The following CYP20A1 variants were observed in gnomAD, a reference collection of about 807,000 sequenced individuals.
CYP20A1 encodes cytochrome P450 family 20 subfamily A member 1.
Under a neutral mutation model 61.4 loss-of-function variants are expected in CYP20A1, and 61 were observed. That is an observed-to-expected ratio of 0.99 (90% CI 0.81 to 1.23). The LOEUF (loss-of-function observed/expected upper bound fraction) is 1.23. Among genes scored for constraint, CYP20A1 ranks in the 50% most tolerant of loss-of-function variants. The pLI, the probability that CYP20A1 is intolerant of heterozygous loss-of-function variation, is 0.00. For synonymous variants in CYP20A1, 193 were observed against 188.2 expected (o/e 1.03, Z -0.21); for missense variants, 530 against 542.4 (o/e 0.98, Z 0.23).
At chr2:203,260,153 C>G (rs541455974) in intron 4 of CYP20A1, among the ~76,000 whole-genome samples, 1 of 151,988 alleles carries the variant, frequency 6.6e-6, no homozygotes, top group Non-Finnish European at 1.5e-5. Context: ...TCTTGAACTC[C>G]TGACCTCAGG....
chr2:203,272,612 T>C, intron 5 of CYP20A1, 58 bp from the exon 6 acceptor site: 1 of 1,087,778 alleles, frequency 9.2e-7, no homozygotes, highest in Non-Finnish European at 1.3e-6. Flanking sequence ...CATTGCTCTG[T>C]ATTATTTTTA....
At chr2:203,271,736 G>A (rs1213912686) in intron 5 of CYP20A1, among the ~76,000 whole-genome samples, 3 of 152,136 alleles carry the variant, frequency 2.0e-5, no homozygotes, top group Non-Finnish European at 4.4e-5. Context: ...ACTTATGCCA[G>A]TATAATACAA....
intron 8 of CYP20A1, among the ~76,000 whole-genome samples, chr2:203,283,799 G>A (rs758707437): frequency 2.6e-5 from 4 of 151,824 alleles, no homozygotes; most frequent in African/African-American, 4.8e-5. Context: ...TGCCCGCCTC[G>A]GCCTCCCAAA....
chr2:203,277,367 A>G (rs867395630), intron 6 of CYP20A1, among the ~76,000 whole-genome samples: 1 of 151,920 alleles, frequency 6.6e-6, no homozygotes, highest in African/African-American at 2.4e-5. Flanking sequence ...AAGAAAAAGA[A>G]AAAGTGTTTC....
intron 9 of CYP20A1, among the ~76,000 whole-genome samples, chr2:203,287,555 A>G (rs2068332725): frequency 6.6e-6 from 1 of 152,024 alleles, no homozygotes; most frequent in Non-Finnish European, 1.5e-5. Flanking sequence ...AATATTTAAA[A>G]ATTAGCCAGA....
chr2:203,258,406 AAAC>A (rs2067004310), intron 4 of CYP20A1, among the ~76,000 whole-genome samples: 2 of 152,028 alleles, frequency 1.3e-5, no homozygotes, highest in African/African-American at 4.8e-5. Flanking sequence ...AAAAAAAAAA[AAAC>A]GGTTAGTAAA....
intron 1 of CYP20A1, among the ~76,000 whole-genome samples, chr2:203,242,557 G>A (rs2066290523): frequency 6.6e-6 from 1 of 152,114 alleles, no homozygotes; most frequent in Non-Finnish European, 1.5e-5. Flanking sequence ...GGAGGCTGAG[G>A]TGGGAGGATT....
At position 203,254,137 on chromosome 2, in the gene CYP20A1, G is replaced by A. The variant is rs375641438; in HGVS notation, c.432+2028G>A. On this transcript the variant is annotated intron_variant, in intron 4 of 12. Coordinates refer to ENST00000356079, the MANE Select transcript of CYP20A1 (RefSeq NM_177538.3). ...CATTTTTTGTATTTTTAGTAGAGATGGGGTTTCACCATCTTGGCCAGGCTG... is the reference window on the plus strand; with the variant it reads ...CATTTTTTGTATTTTTAGTAGAGATAGGGTTTCACCATCTTGGCCAGGCTG... Among the ~76,000 whole-genome samples, 62 of 151,722 alleles carry A rather than the reference G, an allele frequency of 4.1e-4. No homozygotes were observed. The East Asian group carries it at 9.9e-3, about 24-fold the overall frequency.
At chr2:203,262,507 C>A (rs991697550) in intron 4 of CYP20A1, among the ~76,000 whole-genome samples, 7 of 151,978 alleles carry the variant, frequency 4.6e-5, no homozygotes, top group Non-Finnish European at 1.0e-4. Context: ...TTTGTTTATG[C>A]TCTTATGTTT....
At position 203,302,881 on chromosome 2, in the gene CYP20A1, T is replaced by C. The variant is rs1185354963; in HGVS notation, c.*5973T>C. 6.6e-6 allele frequency among the ~76,000 whole-genome samples: 1 copy of C among 152,004 alleles called. No homozygotes were observed. The highest frequency in any genetic ancestry group is 1.5e-5 in the Non-Finnish European group (1 of 68,010). ...CTCATTTTTGTATTTTTAGTAGAGA[T>C]GGGGTTTTACCGTGTTGGTCAGGCT... is the stretch of plus-strand genomic sequence containing the variant. On this transcript the variant is annotated 3_prime_UTR_variant, in exon 13 of 13. Transcript: ENST00000356079.
At chr2:203,244,658 A>G (rs538508111) in intron 1 of CYP20A1, among the ~76,000 whole-genome samples, 1 of 152,066 alleles carries the variant, frequency 6.6e-6, no homozygotes, top group East Asian at 1.9e-4. Flanking sequence ...TAGTTGATGT[A>G]GAGTGTATAT....
chr2:203,283,946 A>G (rs1400316805), intron 8 of CYP20A1, among the ~76,000 whole-genome samples: 1 of 152,188 alleles, frequency 6.6e-6, no homozygotes, highest in Admixed American at 6.6e-5. Flanking sequence ...ATATTACTCT[A>G]TGTTGTAAAA....
chr2:203,257,955 G>T (rs1291876079), intron 4 of CYP20A1, among the ~76,000 whole-genome samples: 5 of 152,202 alleles, frequency 3.3e-5, no homozygotes, highest in Non-Finnish European at 5.9e-5. Flanking sequence ...GGGCTCAAGT[G>T]CAGTGGCACA....
In CYP20A1 at chr2:203,290,132, G is replaced by C. The variant is rs148484367; in HGVS notation, c.1083+256G>C. On this transcript the variant is annotated intron_variant, in intron 10 of 12. Coordinates refer to ENST00000356079, the MANE Select transcript of CYP20A1 (RefSeq NM_177538.3). ...ATTTTTGTATTTTTAGTAGAGACGG[G>C]GTTTCACCATCTTGGCCAAGCTGGT... Among the ~76,000 whole-genome samples the C allele has an allele frequency of 1.5e-4, 23 of 152,072 alleles. No individual in the cohort carries two copies. In the East Asian group the frequency reaches 4.4e-3, roughly 29 times the overall value.
In CYP20A1 at chr2:203,305,221, A is replaced by G. The variant is rs1332100808; in HGVS notation, c.*8313A>G. Among the ~76,000 whole-genome samples, 3 of 60,218 alleles carry G rather than the reference A, an allele frequency of 5.0e-5. No individual in the cohort carries two copies. Among genetic ancestry groups the G allele is most frequent in the Non-Finnish European group, 6.0e-5 (2 of 33,480 alleles). The allele number at this position is 60,218 out of a possible 152,430, so 39.5% of individuals were successfully genotyped here. A position where few individuals can be genotyped will look rare whatever the true frequency, so the allele number is the denominator to read the frequency against. On this transcript the variant is annotated 3_prime_UTR_variant, in exon 13 of 13. Transcript: ENST00000356079. ...TTTTTTTTTTTTTTTTTTTTTTTTG[A>G]GACCGAGTCTCCCTCTGTCACCAGG...
chr2:203,296,250 C>G (rs1227082215), intron 11 of CYP20A1, among the ~76,000 whole-genome samples: 1 of 151,992 alleles, frequency 6.6e-6, no homozygotes, highest in Non-Finnish European at 1.5e-5. Context: ...GGTGACAGAG[C>G]GAGACCCTGT....
chr2:203,263,104 T>A (rs1387169706), intron 4 of CYP20A1, among the ~76,000 whole-genome samples: 1 of 151,838 alleles, frequency 6.6e-6, no homozygotes, highest in East Asian at 1.9e-4. Context: ...TTCTCCTGCC[T>A]CAGCCGCCCT....
chr2:203,263,991 T>TG lies in CYP20A1; in HGVS notation c.433-2517dup, dbSNP rs563658663. Among the ~76,000 whole-genome samples, 837 of 152,078 alleles carry TG rather than the reference T, an allele frequency of 5.5e-3. 7 individuals carry two copies. The highest frequency in any genetic ancestry group is 0.014 in the Middle Eastern group (4 of 294). On this transcript the variant is annotated intron_variant, in intron 4 of 12. Coordinates refer to ENST00000356079, the MANE Select transcript of CYP20A1 (RefSeq NM_177538.3). ...TGTTGAGCTCTGTCAGGTTTTTGTG[T>TG]GGGGGGCGTGGGTGTTTTGTTTTTG...
chr2:203,290,431 G>A (rs2068484867), intron 10 of CYP20A1, among the ~76,000 whole-genome samples: 1 of 152,064 alleles, frequency 6.6e-6, no homozygotes, highest in African/African-American at 2.4e-5. Flanking sequence ...TTCTGTGTAT[G>A]TATATTACTC....
Sources: gnomAD v4.1 joint callset for allele counts (sites outside exome capture counted in the v4.1 genomes callset) on GRCh38, gnomAD v4.1.1 for gene constraint, MANE v1.5 for transcripts, NCBI Gene and HGNC (gene_info 2026-07-23, HGNC 2026-07-21) for gene names.